The following AHI1 variants were observed in gnomAD, a reference collection of about 807,000 sequenced individuals.
AHI1 encodes the protein Abelson helper integration site 1, also known as jouberin.
In AHI1, 123 loss-of-function variants were observed where a neutral mutation model predicts 149.3. The observed-to-expected ratio is 0.82, with a 90% CI of 0.71 to 0.96. The LOEUF (loss-of-function observed/expected upper bound fraction) is 0.96. Among genes scored for constraint, AHI1 ranks in the 40% least tolerant of loss-of-function variants. The pLI is 0.00. For synonymous variants in AHI1, 475 were observed against 459.8 expected (o/e 1.03, Z -0.42); for missense variants, 1,439 against 1,422.7 (o/e 1.01, Z -0.18).
chr6:135,354,710 T>C (rs923603165), intron 24 of AHI1, among the ~76,000 whole-genome samples: 5 of 152,186 alleles, frequency 3.3e-5, no homozygotes, highest in African/African-American at 9.6e-5. Flanking sequence ...GAGGGACTAA[T>C]TCTTAAAGTG....
intron 14 of AHI1, among the ~76,000 whole-genome samples, chr6:135,441,190 T>A (rs1435815971): frequency 6.6e-6 from 1 of 151,046 alleles, no homozygotes; most frequent in Non-Finnish European, 1.5e-5. Context: ...GTACAATAAC[T>A]GAAATAAATA....
chr6:135,342,715 A>G (rs1010949828), intron 24 of AHI1, among the ~76,000 whole-genome samples: 1 of 151,848 alleles, frequency 6.6e-6, no homozygotes, highest in Admixed American at 6.6e-5. Context: ...AAAACACTCA[A>G]CAAAAGTAAG....
At chr6:135,289,661 T>A (rs1782100852) in intron 28 of AHI1, among the ~76,000 whole-genome samples, 1 of 152,090 alleles carries the variant, frequency 6.6e-6, no homozygotes. Context: ...CCAATTCTGG[T>A]ATCAAGGTTA....
rs2273760 is a variant in AHI1, at chr6:135,432,875, T to C, written c.2266+152A>G. Among the ~76,000 whole-genome samples the C allele has an allele frequency of 0.024, 3,705 of 152,248 alleles. 66 individuals carry two copies. The highest frequency in any genetic ancestry group is 0.055 in the East Asian group (283 of 5,182). On this transcript the variant is annotated intron_variant, in intron 16 of 28. Coordinates refer to ENST00000265602, the MANE Select transcript of AHI1 (RefSeq NM_001134831.2). ...TTAAAAATTACAAACAGAAGTCCCT[T>C]AGTGTCATATCTATCATATGACCTG...
Position 135,466,363 on chromosome 6 carries a change from A to G in AHI1, c.200T>C (p.Ile67Thr), listed in dbSNP as rs1397919913. The change falls in exon 7 of 29, where the codon ATT becomes ACT. Residue 67 changes from isoleucine (I) to threonine (T), a missense_variant. Transcript: ENST00000265602. ...KETTSDDPDT[I>T]RSNLPHIKET... ...TTTAATATGGGGAAGATTGCTTCTA[A>G]TAGTGTCGGGCTAGGAAAAGAAGAC... 1 of 1,613,344 alleles carries G rather than the reference A, an allele frequency of 6.2e-7. No individual in the cohort carries two copies. Among genetic ancestry groups the G allele is most frequent in the Non-Finnish European group, 8.5e-7 (1 of 1,179,628 alleles).
intron 24 of AHI1, among the ~76,000 whole-genome samples, chr6:135,348,378 G>A (rs1174258232): frequency 6.6e-6 from 1 of 151,988 alleles, no homozygotes; most frequent in Non-Finnish European, 1.5e-5. Flanking sequence ...TTTGCTTCCT[G>A]CTAGTGACTA....
chr6:135,293,406 G>GAAAAAAAAAAAAAAAAAAA (rs71547029), intron 27 of AHI1, among the ~76,000 whole-genome samples: 14 of 65,618 alleles, frequency 2.1e-4, no homozygotes, highest in South Asian at 4.5e-4. Flanking sequence ...AAAAAAAAAA[G>GAAAAAAAAAAAAAAAAAAA]AAAAAAAAAA....
At chr6:135,417,607 T>C (rs1373626213) in intron 20 of AHI1, among the ~76,000 whole-genome samples, 1 of 152,006 alleles carries the variant, frequency 6.6e-6, no homozygotes, top group African/African-American at 2.4e-5. Flanking sequence ...TGGAAGCGGA[T>C]AACACAAATA....
At chr6:135,324,202 C>T (rs903093161) in intron 24 of AHI1, among the ~76,000 whole-genome samples, 3 of 152,062 alleles carry the variant, frequency 2.0e-5, no homozygotes, top group African/African-American at 7.2e-5. Flanking sequence ...GTAGTGTGTG[C>T]CTGCAGTCCT....
rs536177696 is a variant in AHI1, at chr6:135,438,445, T to C, written c.1966A>G (p.Ile656Val). ...FMRELCGHLN[I>V]IYDLSWSKDD... ...TTTGACCAGGAAAGATCATAAATGA[T>C]ATTGAGGTGGCCACACAATTCTCTC... Residue 656 changes from isoleucine (I) to valine (V), a missense_variant, in exon 15 of 29, where the codon ATC (isoleucine) becomes GTC (valine). Coordinates refer to ENST00000265602, the MANE Select transcript of AHI1 (RefSeq NM_001134831.2). The C allele has an allele frequency of 5.8e-6, 9 of 1,557,810 alleles. No homozygotes were observed. The South Asian group carries it at 1.1e-4, about 18-fold the overall frequency.
chr6:135,302,435 A>G (rs1239190084), intron 26 of AHI1: 18 of 996,312 alleles, frequency 1.8e-5, no homozygotes, highest in Non-Finnish European at 1.9e-5. Flanking sequence ...GGTCTTGCCA[A>G]TTCTGCTAAG....
rs181369777 is a variant in AHI1 at position 135,297,352 on chromosome 6, C to T, written c.3485+3148G>A. ...CCACTCTCTCCCCTCTCTTCATAGC[C>T]GTATGCTCCTTTAAACTAGTTCTTT... is the stretch of plus-strand genomic sequence containing the variant. On this transcript the variant is annotated intron_variant, in intron 27 of 28. Transcript: ENST00000265602. 41 of 450,212 alleles carry T rather than the reference C, an allele frequency of 9.1e-5. 2 individuals are homozygous for T. The East Asian group carries it at 9.8e-4, about 11-fold the overall frequency. The allele number at this position is 450,212 out of a possible 1,614,324, so 27.9% of individuals were successfully genotyped here. A position where few individuals can be genotyped will look rare whatever the true frequency, so the allele number is the denominator to read the frequency against.
chr6:135,403,883 T>C (rs946503298), intron 22 of AHI1, among the ~76,000 whole-genome samples: 1 of 152,138 alleles, frequency 6.6e-6, no homozygotes, highest in African/African-American at 2.4e-5. Context: ...CTGTGACTGA[T>C]GCTGGACAGC....
Position 135,411,445 on chromosome 6 carries a change from A to C in AHI1, c.2864T>G (p.Leu955Arg). The stretch of plus-strand genomic sequence containing the variant: ...AATCTGAAAAGAGCCTTGATGGGGT[A>C]GTTTTGGACAGGTACATAGGGCATC... ...SQDALCTCPK[L>R]PHQGSFQIDE... Residue 955 changes from leucine to arginine, a missense_variant, in exon 21 of 29, where the codon CTA (leucine) becomes CGA (arginine). Physicochemically the swap from Leu to Arg is moderately radical, Grantham distance 102. Transcript: ENST00000265602. 1 of 1,613,790 alleles carries C rather than the reference A, an allele frequency of 6.2e-7. No homozygotes were observed. The highest frequency in any genetic ancestry group is 8.5e-7 in the Non-Finnish European group (1 of 1,179,716).
intron 28 of AHI1, chr6:135,286,694 CAT>C (rs1311400385): frequency 3.3e-5 from 5 of 152,204 alleles, no homozygotes; most frequent in Admixed American, 2.6e-4. Context: ...CACATTTACA[CAT>C]GAGGGGCAAA....
chr6:135,399,014 T>C (rs1424522779), intron 22 of AHI1, among the ~76,000 whole-genome samples: 5 of 151,946 alleles, frequency 3.3e-5, no homozygotes, highest in African/African-American at 7.3e-5. Flanking sequence ...TGAGACCTCA[T>C]CTCTACAAAA....
intron 23 of AHI1, among the ~76,000 whole-genome samples, chr6:135,361,645 T>TCACACACACACACACACA (rs57786531): frequency 7.5e-6 from 1 of 133,810 alleles, no homozygotes; most frequent in Non-Finnish European, 1.6e-5. Flanking sequence ...AGGTATGGTT[T>TCACACACACACACACACA]CACACACACA....
chr6:135,380,358 T>C (rs539319963), intron 23 of AHI1, among the ~76,000 whole-genome samples: 33 of 152,232 alleles, frequency 2.2e-4, no homozygotes, highest in Non-Finnish European at 4.3e-4. Context: ...TTACATTGTA[T>C]TAGGTATTAT....
intron 8 of AHI1, among the ~76,000 whole-genome samples, chr6:135,458,163 A>G (rs1432419493): frequency 6.6e-6 from 1 of 152,232 alleles, no homozygotes; most frequent in Non-Finnish European, 1.5e-5. Flanking sequence ...AAGTACAGAA[A>G]GAAGATATAG....
Sources: allele counts gnomAD v4.1 joint callset (sites outside exome capture counted in the v4.1 genomes callset), GRCh38; gene constraint gnomAD v4.1.1; transcripts MANE v1.5; gene names NCBI Gene and HGNC (gene_info 2026-07-23, HGNC 2026-07-21).